PER2: variants seen among roughly 807,000 people sequenced by gnomAD.
The protein encoded by PER2 is period circadian regulator 2, also known as period circadian protein homolog 2.
Under a neutral mutation model 121.0 loss-of-function variants are expected in PER2, and 66 were observed. The observed-to-expected ratio is 0.55, with a 90% CI of 0.45 to 0.67. The LOEUF (loss-of-function observed/expected upper bound fraction) is 0.67. PER2 is among the 30% of genes least tolerant of loss of function. The pLI is 0.00. For synonymous variants in PER2, 684 were observed against 659.9 expected, an observed-to-expected ratio of 1.04 and a Z score of -0.56; for missense variants, 1,521 against 1,635.0, an observed-to-expected ratio of 0.93 and a Z score of 1.20.
intron 14 of PER2, among the ~76,000 whole-genome samples, chr2:238,259,567 A>T (rs1695864244): frequency 6.6e-6 from 1 of 152,140 alleles, no homozygotes; most frequent in South Asian, 2.1e-4. Context: ...TGTGTGTGTG[A>T]GTGAAGGGTT....
chr2:238,297,308 G>C, the PER2 span, among the ~76,000 whole-genome samples: 2 of 152,226 alleles, frequency 1.3e-5, no homozygotes, highest in South Asian at 4.1e-4. Context: ...GAAAACTGGA[G>C]AAGCTATCAA....
chr2:238,262,232 G>A lies in PER2; in HGVS notation c.1266C>T (p.Ser422=). 1 of 1,614,100 alleles carries A rather than the reference G, an allele frequency of 6.2e-7. No individual in the cohort carries two copies. The highest frequency in any genetic ancestry group is 8.5e-7 in the Non-Finnish European group (1 of 1,180,014). The stretch of plus-strand genomic sequence containing the variant: ...TCCCAATGATGAAGGAGATTTTCCT[G>A]CTCCATGGGTTGATGAAGCTGGACC... The part of the protein sequence containing the change: ...TSWSSFINPW[S]RKISFIIGRH... The change falls in exon 11 of 23, where the codon AGC becomes AGT. Residue 422 remains serine, a synonymous_variant. Coordinates refer to ENST00000254657, the MANE Select transcript of PER2 (RefSeq NM_022817.3).
chr2:238,271,015 G>A (rs775056045), intron 6 of PER2, among the ~76,000 whole-genome samples: 13 of 152,222 alleles, frequency 8.5e-5, no homozygotes, highest in African/African-American at 1.4e-4. Flanking sequence ...CCACGACCCG[G>A]CCTCCCACGA....
chr2:238,246,590 A>G (rs1020797073), intron 22 of PER2, 66 bp from the exon 23 acceptor site: 2 of 1,244,276 alleles, frequency 1.6e-6, no homozygotes, highest in African/African-American at 2.9e-5. Flanking sequence ...AAAGTCATTC[A>G]AATTGGCCGG....
In PER2 at chr2:238,253,407, G is replaced by C; in HGVS notation, c.2616C>G (p.Pro872=). The C allele has an allele frequency of 6.2e-7, 1 of 1,610,518 alleles. No individual in the cohort carries two copies. The highest frequency in any genetic ancestry group is 2.2e-5 in the East Asian group (1 of 44,796). ...CAGCAGGCACTGTGAAGCTGGCGTG[G>C]GGAGGTGCCGGGGGTGCTGCCACAG... ...PGTVAAPPAP[P]HASFTVPAVP... Residue 872 remains proline, a synonymous_variant, in exon 19 of 23, where the codon CCC becomes CCG. Transcript: ENST00000254657. This position sits in a 1 kb window ranked among gnomAD's most constrained non-coding sequence, Gnocchi z 5.6.
rs562248185 is a variant in PER2 at position 238,284,287 on chromosome 2, C to G, written c.-20+4062G>C. 5.9e-5 allele frequency among the ~76,000 whole-genome samples: 9 copies of G among 151,946 alleles called. No homozygotes were observed. The South Asian group carries it at 1.9e-3, about 32-fold the overall frequency. ...GTGAAACCCGTCTCTACTAAAAATA[C>G]AAAAATTAGCCAGGCGTCATGGTGT... On this transcript the variant is annotated intron_variant, in intron 1 of 22. Transcript: ENST00000254657.
intron 8 of PER2, among the ~76,000 whole-genome samples, chr2:238,266,047 G>A (rs1696087173): frequency 6.6e-6 from 1 of 152,084 alleles, no homozygotes; most frequent in Admixed American, 6.5e-5. Flanking sequence ...GGGACTACAG[G>A]CGTGTGCCAC....
At position 238,265,529 on chromosome 2, in the gene PER2, G is replaced by C. The variant is rs965340714; in HGVS notation, c.1029C>G (p.Phe343Leu). 1.9e-6 allele frequency: 3 copies of C among 1,610,384 alleles called. No homozygotes were observed. Among genetic ancestry groups the C allele is most frequent in the Admixed American group, 1.7e-5 (1 of 60,028 alleles). Reference sequence around the variant, plus strand: ...CCACGTACCTTTCATCCACATCCTGGAACAAACAATTTGGTGTATGGGTGG... The same window carrying C: ...CCACGTACCTTTCATCCACATCCTGCAACAAACAATTTGGTGTATGGGTGG... ...FTTTHTPNCL[F>L]QDVDERAVPL... Residue 343 changes from phenylalanine to leucine, a missense_variant, in exon 9 of 23, where the codon TTC (phenylalanine) becomes TTG (leucine). Phe to Leu is a conservative substitution (Grantham distance 22). Transcript: ENST00000254657.
chr2:238,251,820 C>T, intron 19 of PER2, 59 bp from the exon 20 acceptor site: 1 of 204,906 alleles, frequency 4.9e-6, no homozygotes. Flanking sequence ...ACAGCATATG[C>T]AGCGGGGTGG....
At position 238,268,616 on chromosome 2, in the gene PER2, C is replaced by T. The variant is rs796302169; in HGVS notation, c.824+307G>A. 9.8e-5 allele frequency among the ~76,000 whole-genome samples: 15 copies of T among 152,322 alleles called. No individual in the cohort carries two copies. Among genetic ancestry groups the T allele is most frequent in the Admixed American group, 6.5e-4 (10 of 15,306 alleles). On this transcript the variant is annotated intron_variant, in intron 7 of 22. Coordinates refer to ENST00000254657, the MANE Select transcript of PER2 (RefSeq NM_022817.3). This position sits in a 1 kb window ranked among gnomAD's most constrained non-coding sequence, Gnocchi z 4.0. The stretch of plus-strand genomic sequence containing the variant: ...AGCTACGGGTCTCTCCCCAGAAAAA[C>T]GCACAGACAACCAAAAGACGCAGTG...
intron 1 of PER2, among the ~76,000 whole-genome samples, chr2:238,280,583 A>G (rs1329750355): frequency 6.6e-6 from 1 of 152,238 alleles, no homozygotes; most frequent in Non-Finnish European, 1.5e-5. Context: ...TTAGAATGGA[A>G]AACTAGAAAG....
At chr2:238,247,145 G>A (rs1355741305) in intron 22 of PER2, 1 of 152,312 alleles carries the variant, frequency 6.6e-6, no homozygotes, top group Non-Finnish European at 1.5e-5. Context: ...CAAAAGGTGG[G>A]GCCTAATTCC....
chr2:238,290,147 G>T (rs1281928554), upstream of PER2: 1 of 152,228 alleles, frequency 6.6e-6, no homozygotes, highest in African/African-American at 2.4e-5. Context: ...CAACTTCTCA[G>T]ATGCAAACCA....
intron 8 of PER2, among the ~76,000 whole-genome samples, chr2:238,266,848 G>A (rs563522652): frequency 6.6e-6 from 1 of 152,112 alleles, no homozygotes; most frequent in South Asian, 2.1e-4. Context: ...GACCAGCCTG[G>A]GCAACACAGT....
intron 22 of PER2, among the ~76,000 whole-genome samples, chr2:238,248,748 G>A (rs766762690): frequency 4.0e-5 from 6 of 150,728 alleles, no homozygotes; most frequent in Admixed American, 2.0e-4. Flanking sequence ...CTCTGCCTCC[G>A]GGGTTCCCGC....
intron 1 of PER2, among the ~76,000 whole-genome samples, chr2:238,286,425 A>G (rs769902432): frequency 2.0e-5 from 3 of 151,796 alleles, no homozygotes; most frequent in African/African-American, 7.3e-5. Context: ...TTTGCTCTAG[A>G]CTTGGAGATA....
chr2:238,295,223 G>GTTC, the PER2 span, among the ~76,000 whole-genome samples: 3 of 151,880 alleles, frequency 2.0e-5, no homozygotes, highest in African/African-American at 4.8e-5. Flanking sequence ...TGTTGTTGTT[G>GTTC]TTCTTCTTCT....
intron 14 of PER2, 123 bp downstream of exon 14, chr2:238,259,846 G>T: frequency 1.5e-6 from 1 of 661,834 alleles, no homozygotes; most frequent in Non-Finnish European, 2.8e-6. Flanking sequence ...CGCAGAAGGG[G>T]GTGTGACACG....
At chr2:238,293,734 CA>C (rs397939497), upstream of PER2, among the ~76,000 whole-genome samples, 317 of 104,600 alleles carry the variant, frequency 3.0e-3, no homozygotes, top group Middle Eastern at 0.036. Context: ...GACTCTGTCT[CA>C]AAAAAAAAAA....
Sources: allele counts gnomAD v4.1 joint callset (sites outside exome capture counted in the v4.1 genomes callset), GRCh38; gene constraint gnomAD v4.1.1; non-coding constraint Gnocchi (gnomAD v3.1); transcripts MANE v1.5; gene names NCBI Gene and HGNC (gene_info 2026-07-23, HGNC 2026-07-21).